PDIA4: variants seen among roughly 807,000 people sequenced by gnomAD.
PDIA4 encodes protein disulfide isomerase family A member 4, also known as protein disulfide-isomerase A4.
In PDIA4, 33 loss-of-function variants were observed where a neutral mutation model predicts 62.1. The observed-to-expected ratio is 0.53, with a 90% CI of 0.40 to 0.71. The LOEUF is 0.71. Among genes scored for constraint, PDIA4 ranks in the 30% least tolerant of loss-of-function variants. The pLI is 0.00. For missense variants in PDIA4, 804 were observed against 813.6 expected (o/e 0.99, Z 0.14); for synonymous variants, 341 against 324.1 (o/e 1.05, Z -0.56).
chr7:149,003,624 T>C lies in PDIA4; in HGVS notation c.*170A>G, dbSNP rs1016417203. Reference sequence around the variant, plus strand: ...CTGGACTAAACTATTCAGTCATTCATGGTTATTCAGTATTCAGAGCATGAA... The same window carrying C: ...CTGGACTAAACTATTCAGTCATTCACGGTTATTCAGTATTCAGAGCATGAA... On this transcript the variant is annotated 3_prime_UTR_variant, in exon 10 of 10. Coordinates refer to ENST00000652332, the MANE Select transcript of PDIA4 (RefSeq NM_004911.5). The C allele has an allele frequency of 2.2e-6, 1 of 454,014 alleles. No homozygotes were observed. Among genetic ancestry groups the C allele is most frequent in the Non-Finnish European group, 3.8e-6 (1 of 261,832 alleles). 28.1% of individuals were successfully genotyped at this position (454,014 alleles called of 1,614,324 possible).
At chr7:149,015,807 C>T (rs895066817) in intron 3 of PDIA4, among the ~76,000 whole-genome samples, 10 of 152,382 alleles carry the variant, frequency 6.6e-5, no homozygotes, top group East Asian at 3.9e-4. Context: ...TCTGCGCATT[C>T]GCAGCATGAA....
In PDIA4 at chr7:149,012,331, T is replaced by C. The variant is rs1322841909; in HGVS notation, c.644A>G (p.Glu215Gly). ...WCGHCKKLAPEYEKAAKELSK... is the reference protein window; with the variant it reads ...WCGHCKKLAPGYEKAAKELSK... ...GAGCTCCTTGGCGGCCTTCTCATAC[T>C]CGGGGGCAAGTTTCTTGCAGTGTCC... The change falls in exon 5 of 10, where the codon GAG becomes GGG. Residue 215 changes from glutamate (E) to glycine (G), a missense_variant. Transcript: ENST00000652332. 6.2e-7 allele frequency: 1 copy of C among 1,613,542 alleles called. No individual in the cohort carries two copies. Among genetic ancestry groups the C allele is most frequent in the Non-Finnish European group, 8.5e-7 (1 of 1,180,036 alleles).
chr7:149,012,429 G>T, intron 4 of PDIA4, 69 bp from the exon 5 acceptor site: 2 of 1,346,150 alleles, frequency 1.5e-6, no homozygotes, highest in African/African-American at 2.9e-5. Flanking sequence ...TAAATGAGCT[G>T]CAGAAACCCA....
At chr7:149,026,521 C>T (rs1465820458) in intron 1 of PDIA4, among the ~76,000 whole-genome samples, 2 of 152,060 alleles carry the variant, frequency 1.3e-5, no homozygotes, top group African/African-American at 2.4e-5. Context: ...TGTGGTGGCA[C>T]GTGCCTGTGG....
intron 9 of PDIA4, 91 bp from the exon 10 acceptor site, chr7:149,004,300 G>A (rs1410728341): frequency 5.6e-6 from 7 of 1,249,822 alleles, no homozygotes; most frequent in Non-Finnish European, 7.9e-6. Flanking sequence ...TGAGGTTGGT[G>A]TGGCCACCAG....
chr7:149,005,893 T>C lies in PDIA4; in HGVS notation c.1288+4A>G. 6.7e-7 allele frequency: 1 copy of C among 1,500,876 alleles called. No individual in the cohort carries two copies. The highest frequency in any genetic ancestry group is 8.8e-7 in the Non-Finnish European group (1 of 1,132,966). 93.0% of individuals were successfully genotyped at this position (1,500,876 alleles called of 1,614,324 possible). The stretch of plus-strand genomic sequence containing the variant: ...CCCCGCAGGTCTTGGTGGGGGTCCC[T>C]CACCAGCTCTGTAATCAAAGCTGAA... On this transcript the variant is annotated splice_donor_region_variant and intron_variant, in intron 8 of 9. Transcript: ENST00000652332.
chr7:149,019,388 A>G (rs886257627), intron 2 of PDIA4, among the ~76,000 whole-genome samples, 191 bp from the exon 3 acceptor site: 1 of 152,152 alleles, frequency 6.6e-6, no homozygotes, highest in African/African-American at 2.4e-5. Context: ...TGGATCCCTC[A>G]TGAATAGGCA....
Position 149,028,432 on chromosome 7 carries a change from T to G in PDIA4, c.-24A>C. ...ATGGTAGCGGGGGCGGAGCGCGGCC[T>G]CCTAGCGTCGGCGGCCGCTGAGCGC... On this transcript the variant is annotated 5_prime_UTR_variant, in exon 1 of 10. Transcript: ENST00000652332. The G allele has an allele frequency of 6.9e-7, 1 of 1,440,164 alleles. No individual in the cohort carries two copies. Among genetic ancestry groups the G allele is most frequent in the Non-Finnish European group, 9.2e-7 (1 of 1,089,122 alleles). The allele number at this position is 1,440,164 out of a possible 1,614,324, so 89.2% of individuals were successfully genotyped here.
rs368403320 is a variant in PDIA4 at position 149,018,969 on chromosome 7, T to C, written c.475+23A>G. On this transcript the variant is annotated intron_variant, in intron 3 of 9. Coordinates refer to ENST00000652332, the MANE Select transcript of PDIA4 (RefSeq NM_004911.5). ...TCCCTGCGGGAAGGAGTTCTTCCTCTACGAGCTCAGGTACCAGCTCACCTT... is the reference window on the plus strand; with the variant it reads ...TCCCTGCGGGAAGGAGTTCTTCCTCCACGAGCTCAGGTACCAGCTCACCTT... The C allele has an allele frequency of 4.5e-6, 7 of 1,570,952 alleles. No homozygotes were observed. In the African/African-American group the frequency reaches 8.1e-5, roughly 18 times the overall value.
intron 2 of PDIA4, 150 bp downstream of exon 2, chr7:149,020,817 G>C: frequency 7.6e-7 from 1 of 1,308,788 alleles, no homozygotes; most frequent in Non-Finnish European, 1.0e-6. Flanking sequence ...GGTAGAACGA[G>C]TGAGCTCCCA....
rs1267426045 is a variant in PDIA4 at position 149,003,812 on chromosome 7, C to T, written c.1920G>A (p.Arg640=). Residue 640 remains arginine, a synonymous_variant, in exon 10 of 10, where the codon AGG becomes AGA. Coordinates refer to ENST00000652332, the MANE Select transcript of PDIA4 (RefSeq NM_004911.5). ...CAGGCCTTCAAAGCTCTTCCTTGGTCCTGCTCAGTTTTGTGGCATGTTCTT... is the reference window on the plus strand; with the variant it reads ...CAGGCCTTCAAAGCTCTTCCTTGGTTCTGCTCAGTTTTGTGGCATGTTCTT... ...FIEEHATKLS[R]TKEEL 6.4e-7 allele frequency: 1 copy of T among 1,566,464 alleles called. No homozygotes were observed. The highest frequency in any genetic ancestry group is 8.7e-7 in the Non-Finnish European group (1 of 1,155,810).
chr7:149,021,103 C>T lies in PDIA4; in HGVS notation c.133G>A (p.Glu45Lys). The T allele has an allele frequency of 6.2e-7, 1 of 1,610,314 alleles. No homozygotes were observed. Among genetic ancestry groups the T allele is most frequent in the Non-Finnish European group, 8.5e-7 (1 of 1,177,624 alleles). The change falls in exon 2 of 10, where the codon GAG becomes AAG. Residue 45 changes from glutamate to lysine, a missense_variant. Transcript: ENST00000652332. ...TCTTCCTCATCATCATCTTCCTCCT[C>T]CTCCTCCTCTTCATCCTCAATGGCA... ...ENAIEDEEEE[E>K]EEDDDEEEDD...
chr7:149,006,173 A>T (rs749801828), intron 7 of PDIA4, 120 bp from the exon 8 acceptor site: 35 of 1,022,700 alleles, frequency 3.4e-5, no homozygotes, highest in Non-Finnish European at 4.5e-5. Flanking sequence ...TTAGGAGGCA[A>T]AACACCCCAG....
rs371830915 is a variant in PDIA4 at position 149,005,133 on chromosome 7, G to A, written c.1522+8C>T. On this transcript the variant is annotated splice_region_variant and intron_variant, in intron 9 of 9. Transcript: ENST00000652332. ...GATGGGAGACCCCAGCCCCAGCCAC[G>A]GGCTCACCTTTTTTGAAAGCAGTGA... 34 of 1,605,244 alleles carry A rather than the reference G, an allele frequency of 2.1e-5. No homozygotes were observed. The highest frequency in any genetic ancestry group is 3.3e-4 in the Middle Eastern group (2 of 6,062).
At position 149,020,969 on chromosome 7, in the gene PDIA4, T is replaced by C. The variant is rs752965481; in HGVS notation, c.267A>G (p.Pro89=). 5 of 1,614,054 alleles carry C rather than the reference T, an allele frequency of 3.1e-6. No homozygotes were observed. The highest frequency in any genetic ancestry group is 1.1e-5 in the South Asian group (1 of 91,074). Residue 89 remains proline, a splice_region_variant and synonymous_variant, in exon 2 of 10, where the codon CCA becomes CCG. Transcript: ENST00000652332. Reference sequence around the variant, plus strand: ...AGAAATTAGAACGCGGTCCTTACCATGGAGCATAAAACTCCAGCAGCACTG... The same window carrying C: ...AGAAATTAGAACGCGGTCCTTACCACGGAGCATAAAACTCCAGCAGCACTG... ...KDTVLLEFYA[P]WCGHCKQFAP... is the part of the protein sequence containing the mutation.
At chr7:149,023,932 T>A (rs1054273596) in intron 1 of PDIA4, among the ~76,000 whole-genome samples, 1 of 152,178 alleles carries the variant, frequency 6.6e-6, no homozygotes, top group African/African-American at 2.4e-5. Flanking sequence ...AAGAGGCAAC[T>A]TCTTTCTTGA....
At chr7:149,005,587 G>A (rs1237646090) in intron 8 of PDIA4, among the ~76,000 whole-genome samples, 1 of 152,204 alleles carries the variant, frequency 6.6e-6, no homozygotes, top group Non-Finnish European at 1.5e-5. Context: ...CCTGTGCCCA[G>A]GTGGCACGGC....
At chr7:149,017,973 T>G (rs967662846) in intron 3 of PDIA4, among the ~76,000 whole-genome samples, 3 of 152,208 alleles carry the variant, frequency 2.0e-5, no homozygotes, top group African/African-American at 7.2e-5. Context: ...TTCACGCCTG[T>G]AATCCCAGCA....
At chr7:149,022,178 G>A (rs1358149147) in intron 1 of PDIA4, among the ~76,000 whole-genome samples, 5 of 152,104 alleles carry the variant, frequency 3.3e-5, no homozygotes, top group Admixed American at 1.3e-4. Context: ...TAGCCCTTCA[G>A]GTTTTATAAT....
Sources: allele counts gnomAD v4.1 joint callset (sites outside exome capture counted in the v4.1 genomes callset), GRCh38; gene constraint gnomAD v4.1.1; transcripts MANE v1.5; gene names NCBI Gene and HGNC (gene_info 2026-07-23, HGNC 2026-07-21).